The following VPS13B variants were observed in gnomAD, a reference collection of about 807,000 sequenced individuals.
VPS13B encodes the protein intermembrane lipid transfer protein VPS13B.
VPS13B carries 285 observed loss-of-function variants against 426.4 expected under a neutral mutation model. The observed-to-expected ratio is 0.67, with a 90% confidence interval of 0.61 to 0.74. The LOEUF is 0.74. Ranked by LOEUF, VPS13B falls within the 30% of genes least tolerant of loss-of-function variation. The pLI, the probability that VPS13B is intolerant of heterozygous loss-of-function variation, is 0.00. For missense variants in VPS13B, 4,537 were observed against 4,782.6 expected (o/e 0.95, Z 1.51); for synonymous variants, 1,676 against 1,676.4 (o/e 1.00, Z 0.01).
chr8:99,590,286 G>A (rs1426099157), intron 33 of VPS13B, among the ~76,000 whole-genome samples: 3 of 152,002 alleles, frequency 2.0e-5, no homozygotes, highest in Non-Finnish European at 4.4e-5. Flanking sequence ...CAAAAAACTA[G>A]CTTCTGGATT....
At chr8:99,587,753 T>G (rs1826381031) in intron 33 of VPS13B, among the ~76,000 whole-genome samples, 1 of 151,958 alleles carries the variant, frequency 6.6e-6, no homozygotes, top group African/African-American at 2.4e-5. Flanking sequence ...TGCAAAAATT[T>G]TCTCCCATTC....
intron 19 of VPS13B, among the ~76,000 whole-genome samples, chr8:99,318,141 C>T (rs985251657): frequency 7.0e-4 from 106 of 152,168 alleles, no homozygotes; most frequent in African/African-American, 2.5e-3. Context: ...TTTGAATTTT[C>T]CTATTGGATG....
intron 35 of VPS13B, among the ~76,000 whole-genome samples, chr8:99,690,222 T>C (rs1253955980): frequency 2.0e-5 from 3 of 152,192 alleles, no homozygotes; most frequent in African/African-American, 7.2e-5. Context: ...TTTCAACAAA[T>C]GTTGCTGACA....
At chr8:99,297,600 G>A (rs1283486229) in intron 19 of VPS13B, among the ~76,000 whole-genome samples, 2 of 152,026 alleles carry the variant, frequency 1.3e-5, no homozygotes, top group South Asian at 2.1e-4. Flanking sequence ...TCTGATAAAT[G>A]CATAATGCAA....
intron 8 of VPS13B, among the ~76,000 whole-genome samples, chr8:99,133,028 A>G (rs546565041): frequency 6.6e-6 from 1 of 152,322 alleles, no homozygotes; most frequent in East Asian, 1.9e-4. Context: ...TAACAAGAGC[A>G]TCCGCCTGTA....
Position 99,193,077 on chromosome 8 carries a change from G to T in VPS13B, c.2515+20G>T. The T allele has an allele frequency of 6.2e-7, 1 of 1,612,290 alleles. No homozygotes were observed. The highest frequency in any genetic ancestry group is 1.1e-5 in the South Asian group (1 of 91,008). ...GTATAGGTAAGAGCACAGTCTTTTT[G>T]ATAACTATATGGAAAATTTGTGTTA... On this transcript the variant is annotated intron_variant, in intron 17 of 61. Transcript: ENST00000357162.
intron 35 of VPS13B, among the ~76,000 whole-genome samples, chr8:99,662,084 G>A (rs936291581): frequency 1.3e-5 from 2 of 152,108 alleles, no homozygotes; most frequent in African/African-American, 4.8e-5. Flanking sequence ...TATGAATAAG[G>A]AAGCTAAGAC....
intron 23 of VPS13B, among the ~76,000 whole-genome samples, chr8:99,455,542 A>G (rs1818409154): frequency 6.6e-6 from 1 of 152,212 alleles, no homozygotes; most frequent in African/African-American, 2.4e-5. Context: ...CATTAAATTT[A>G]TTAAGATGTA....
chr8:99,473,956 C>A (rs1006325137), intron 24 of VPS13B, among the ~76,000 whole-genome samples: 1 of 152,074 alleles, frequency 6.6e-6, no homozygotes, highest in Non-Finnish European at 1.5e-5. Context: ...GACCTCTATC[C>A]TGAAAACCAT....
intron 21 of VPS13B, among the ~76,000 whole-genome samples, chr8:99,403,597 C>A (rs922829979): frequency 2.0e-5 from 3 of 151,390 alleles, no homozygotes; most frequent in Non-Finnish European, 4.4e-5. Flanking sequence ...GCTTGACTGT[C>A]TTAAATCATG....
chr8:99,084,401 C>A (rs1845654460), intron 3 of VPS13B, among the ~76,000 whole-genome samples: 1 of 152,112 alleles, frequency 6.6e-6, no homozygotes, highest in African/African-American at 2.4e-5. Context: ...TTTCAAAACA[C>A]CAGCTCCTGG....
intron 17 of VPS13B, among the ~76,000 whole-genome samples, chr8:99,226,190 C>G (rs1816007534): frequency 6.6e-6 from 1 of 152,112 alleles, no homozygotes; most frequent in South Asian, 2.1e-4. Context: ...CATTTCTAGC[C>G]AAAACATAGA....
intron 28 of VPS13B, chr8:99,507,825 A>G: frequency 1.2e-6 from 2 of 1,613,982 alleles, no homozygotes; most frequent in South Asian, 2.2e-5. Context: ...CCTTTCCTGT[A>G]CTGACAAGCT....
At chr8:99,310,168 C>T (rs1017404578) in intron 19 of VPS13B, among the ~76,000 whole-genome samples, 3 of 152,098 alleles carry the variant, frequency 2.0e-5, no homozygotes, top group Non-Finnish European at 4.4e-5. Context: ...ATTGAATACC[C>T]TTTATTTCTT....
intron 22 of VPS13B, among the ~76,000 whole-genome samples, chr8:99,437,392 A>G (rs759932048): frequency 6.6e-6 from 1 of 151,192 alleles, no homozygotes; most frequent in Non-Finnish European, 1.5e-5. Context: ...AGTCTTGGAC[A>G]GTCTTTTTTT....
At chr8:99,174,821 A>G (rs1812542009) in intron 16 of VPS13B, among the ~76,000 whole-genome samples, 1 of 152,212 alleles carries the variant, frequency 6.6e-6, no homozygotes, top group Non-Finnish European at 1.5e-5. Context: ...AATTTTAAGG[A>G]GAGAAAAATT....
intron 33 of VPS13B, among the ~76,000 whole-genome samples, chr8:99,621,323 G>A (rs548623115): frequency 6.6e-6 from 1 of 152,238 alleles, no homozygotes; most frequent in South Asian, 2.1e-4. Context: ...GGCTATCAAG[G>A]TCAGACCAAA....
At chr8:99,646,874 T>C (rs1588583946) in intron 34 of VPS13B, among the ~76,000 whole-genome samples, 1 of 152,166 alleles carries the variant, frequency 6.6e-6, no homozygotes, top group Non-Finnish European at 1.5e-5. Context: ...TCTGCCGTGA[T>C]CATAGCTTCC....
chr8:99,810,208 A>G (rs1813626388), intron 44 of VPS13B, among the ~76,000 whole-genome samples: 1 of 152,242 alleles, frequency 6.6e-6, no homozygotes, highest in South Asian at 2.1e-4. Context: ...TTTCTAAAAG[A>G]TGTTTTTCAA....
Sources: allele counts gnomAD v4.1 joint callset (sites outside exome capture counted in the v4.1 genomes callset), GRCh38; gene constraint gnomAD v4.1.1; transcripts MANE v1.5; gene names NCBI Gene and HGNC (gene_info 2026-07-23, HGNC 2026-07-21).